Variants in SLC5A12 observed in about 807,000 individuals in gnomAD.
The protein encoded by SLC5A12 is solute carrier family 5 member 12.
A neutral mutation model predicts 72.7 loss-of-function variants in SLC5A12; 46 were observed. The observed-to-expected ratio is 0.63, with a 90% CI of 0.50 to 0.81. The LOEUF is 0.81. Among genes scored for constraint, SLC5A12 ranks in the 30% least tolerant of loss-of-function variants. SLC5A12 has a pLI of 0.00. For missense variants in SLC5A12, 683 were observed against 740.7 expected (o/e 0.92, Z 0.90); for synonymous variants, 275 against 264.4 (o/e 1.04, Z -0.39).
intron 6 of SLC5A12, among the ~76,000 whole-genome samples, chr11:26,701,947 C>T (rs1175949739): frequency 2.0e-5 from 3 of 152,104 alleles, no homozygotes; most frequent in Non-Finnish European, 2.9e-5. Context: ...AGACACATTT[C>T]CTAACTTTCA....
Position 26,671,183 on chromosome 11 carries a change from TC to T in SLC5A12, c.1775del (p.Arg592LysfsTer33). Reference sequence around the variant, plus strand: ...AGCCTGGAACATGTACCAGGCTTTCTCTTCTGAGTCCGTTCTGTAAGACAGA... The same window carrying T: ...AGCCTGGAACATGTACCAGGCTTTCTTTCTGAGTCCGTTCTGTAAGACAGA... ...AESVLQNGLR[R>X]ESLVHVPGYD... is the part of the protein sequence containing the mutation. On this transcript the variant is annotated frameshift_variant, in exon 15 of 15. Coordinates refer to ENST00000396005, the MANE Select transcript of SLC5A12 (RefSeq NM_178498.4). LOFTEE classifies it low-confidence loss of function (END_TRUNC). 4 of 1,612,834 alleles carry T rather than the reference TC, an allele frequency of 2.5e-6. No homozygotes were observed. Among genetic ancestry groups the T allele is most frequent in the Non-Finnish European group, 3.4e-6 (4 of 1,179,268 alleles).
chr11:26,673,049 G>T (rs576957729), intron 14 of SLC5A12, among the ~76,000 whole-genome samples: 1 of 152,088 alleles, frequency 6.6e-6, no homozygotes, highest in Non-Finnish European at 1.5e-5. Context: ...ACTGTCTGAC[G>T]CTAAAGTCCA....
chr11:26,703,289 T>C (rs553388133), intron 6 of SLC5A12, among the ~76,000 whole-genome samples: 2 of 152,098 alleles, frequency 1.3e-5, no homozygotes, highest in East Asian at 1.9e-4. Context: ...AGCAAATAAT[T>C]GAGAGAAAAG....
chr11:26,709,708 C>G (rs1565201304), intron 3 of SLC5A12, among the ~76,000 whole-genome samples: 3 of 151,946 alleles, frequency 2.0e-5, no homozygotes, highest in Non-Finnish European at 4.4e-5. Context: ...TCTGAAATCA[C>G]CTAAACATGA....
At chr11:26,720,796 A>G (rs796220295) in intron 1 of SLC5A12, among the ~76,000 whole-genome samples, 1 of 71,530 alleles carries the variant, frequency 1.4e-5, no homozygotes, top group African/African-American at 3.4e-5. Context: ...TTATTTAGCA[A>G]TTCCTTTCGT....
chr11:26,668,448 G>A lies in SLC5A12; in HGVS notation c.*2654C>T, dbSNP rs959199611. 1.3e-5 allele frequency: 2 copies of A among 152,014 alleles called. No individual in the cohort carries two copies. Among genetic ancestry groups the A allele is most frequent in the African/African-American group, 2.4e-5 (1 of 41,400 alleles). 9.4% of individuals were successfully genotyped at this position (152,014 alleles called of 1,614,324 possible). A position where few individuals can be genotyped will look rare whatever the true frequency, so the allele number is the denominator to read the frequency against. The stretch of plus-strand genomic sequence containing the variant: ...AAGTTTAACCCTCTTCCATGGTATG[G>A]ATGGAACTTGTCACTGAACTGTCTT... On this transcript the variant is annotated 3_prime_UTR_variant, in exon 15 of 15. Transcript: ENST00000396005.
At chr11:26,719,186 G>C (rs149813424) in intron 1 of SLC5A12, among the ~76,000 whole-genome samples, 1 of 152,268 alleles carries the variant, frequency 6.6e-6, no homozygotes, top group South Asian at 2.1e-4. Flanking sequence ...TTTTAAGACA[G>C]TGTTTTTATT....
intron 9 of SLC5A12, among the ~76,000 whole-genome samples, chr11:26,690,339 T>C (rs1301157016): frequency 6.6e-6 from 1 of 152,070 alleles, no homozygotes; most frequent in African/African-American, 2.4e-5. Flanking sequence ...AATAAAATGC[T>C]ACAAGGCTAT....
intron 13 of SLC5A12, among the ~76,000 whole-genome samples, chr11:26,675,181 A>C (rs905999535): frequency 6.6e-6 from 1 of 152,022 alleles, no homozygotes; most frequent in South Asian, 2.1e-4. Flanking sequence ...ATCATCAAAC[A>C]CTCCAACAAA....
chr11:26,707,249 T>C (rs1030189843), intron 4 of SLC5A12, among the ~76,000 whole-genome samples: 2 of 152,058 alleles, frequency 1.3e-5, no homozygotes, highest in East Asian at 3.9e-4. Flanking sequence ...GGTCCTCCAT[T>C]TGTATTTGCT....
At chr11:26,692,713 C>A in intron 8 of SLC5A12, 112 bp from the exon 9 acceptor site, 1 of 648,486 alleles carries the variant, frequency 1.5e-6, no homozygotes, top group Non-Finnish European at 2.7e-6. Flanking sequence ...AAAACAGATG[C>A]AGATATATCT....
At chr11:26,676,573 C>T (rs775108927) in intron 13 of SLC5A12, among the ~76,000 whole-genome samples, 9 of 151,980 alleles carry the variant, frequency 5.9e-5, no homozygotes, top group Non-Finnish European at 1.2e-4. Context: ...TATATACTGT[C>T]CTGATAATGG....
At chr11:26,698,187 C>T (rs192924080) in intron 7 of SLC5A12, among the ~76,000 whole-genome samples, 50 of 152,172 alleles carry the variant, frequency 3.3e-4, no homozygotes, top group African/African-American at 1.2e-3. Flanking sequence ...TGTGATCCAC[C>T]GTGCCTGGCC....
At chr11:26,678,104 C>T (rs547620225) in intron 13 of SLC5A12, among the ~76,000 whole-genome samples, 8 of 152,232 alleles carry the variant, frequency 5.3e-5, no homozygotes, top group Non-Finnish European at 8.8e-5. Context: ...AGAGAAGCAG[C>T]CTCCAAAGGA....
Position 26,678,751 on chromosome 11 carries a change from C to T in SLC5A12, c.1540G>A (p.Gly514Arg). 6.2e-7 allele frequency: 1 copy of T among 1,613,292 alleles called. No individual in the cohort carries two copies. The change falls in exon 13 of 15, where the codon GGA (glycine) becomes AGA (arginine). Residue 514 changes from glycine (G) to arginine (R), a missense_variant. Gly to Arg is a moderately radical substitution (Grantham distance 125). Transcript: ENST00000396005. ...ATGATTACTCCAGCAACAATGCATC[C>T]TAAGCAGCCCACTGCACTGTAGTAA... Reference protein sequence around the residue: ...YLYYSAVGCLGCIVAGVIISL... With the variant: ...YLYYSAVGCLRCIVAGVIISL...
chr11:26,712,169 G>A (rs7924565), intron 2 of SLC5A12, among the ~76,000 whole-genome samples: 140 of 152,114 alleles, frequency 9.2e-4, no homozygotes, highest in Non-Finnish European at 1.4e-3. Flanking sequence ...CCAAAGCTGG[G>A]GGGGTGGGAA....
chr11:26,672,197 C>T (rs555974020), intron 14 of SLC5A12, among the ~76,000 whole-genome samples: 4 of 152,170 alleles, frequency 2.6e-5, no homozygotes, highest in Admixed American at 1.3e-4. Flanking sequence ...GCTCTTGCCT[C>T]CTGCCAAAAG....
rs566563632 is a variant in SLC5A12 at position 26,711,214 on chromosome 11, T to C, written c.457+93A>G. The C allele has an allele frequency of 9.2e-5, 94 of 1,026,124 alleles. 1 individual carries two copies. Among genetic ancestry groups the C allele is most frequent in the Non-Finnish European group, 1.3e-4 (85 of 667,230 alleles). The allele number at this position is 1,026,124 out of a possible 1,614,324, so 63.6% of individuals were successfully genotyped here. On this transcript the variant is annotated intron_variant, in intron 3 of 14. Transcript: ENST00000396005. ...TCAGAATCCTCTAACCAGAAGAATA[T>C]CTCCCCAACAAAGTATTTTATTTCT...
intron 1 of SLC5A12, among the ~76,000 whole-genome samples, chr11:26,715,581 A>G (rs1855332881): frequency 6.6e-6 from 1 of 152,158 alleles, no homozygotes. Flanking sequence ...GCTTACTAGA[A>G]TCACTTCCCC....
Sources: gnomAD v4.1 joint callset for allele counts (sites outside exome capture counted in the v4.1 genomes callset) on GRCh38, gnomAD v4.1.1 for gene constraint, MANE v1.5 for transcripts, NCBI Gene and HGNC (gene_info 2026-07-23, HGNC 2026-07-21) for gene names.